The following HECW1 variants were observed in gnomAD, a reference collection of about 807,000 sequenced individuals.
The protein encoded by HECW1 is HECT, C2 and WW domain containing E3 ubiquitin protein ligase 1.
Under a neutral mutation model 182.3 loss-of-function variants are expected in HECW1, and 61 were observed. That is an observed-to-expected ratio of 0.33 (90% confidence interval 0.27 to 0.41). The LOEUF (loss-of-function observed/expected upper bound fraction) is 0.41. Ranked by LOEUF, HECW1 falls within the 10% of genes least tolerant of loss-of-function variation. The probability of loss-of-function intolerance (pLI) is 1.00; values close to 1 mark genes in which losing one functional copy is unlikely to be tolerated. For synonymous variants in HECW1, 859 were observed against 832.6 expected (o/e 1.03, Z -0.55); for missense variants, 1,739 against 2,108.9 (o/e 0.82, Z 3.44).
At chr7:43,157,761 G>A (rs759210361) in intron 2 of HECW1, among the ~76,000 whole-genome samples, 6 of 152,226 alleles carry the variant, frequency 3.9e-5, no homozygotes, top group South Asian at 2.1e-4. Flanking sequence ...GGGTTTCGCC[G>A]CATTGCCCAG....
chr7:43,447,891 C>T (rs1171878075), intron 11 of HECW1, among the ~76,000 whole-genome samples: 9 of 151,918 alleles, frequency 5.9e-5, no homozygotes, highest in East Asian at 1.9e-4. Flanking sequence ...TTTGGGAGGC[C>T]GAGGTGGGTG....
intron 3 of HECW1, among the ~76,000 whole-genome samples, chr7:43,288,910 A>G (rs1805013246): frequency 6.6e-6 from 1 of 151,990 alleles, no homozygotes; most frequent in Non-Finnish European, 1.5e-5. Context: ...CTCTTGCCTT[A>G]TTCTTATATT....
chr7:43,270,178 C>G (rs1802236280), intron 3 of HECW1, among the ~76,000 whole-genome samples: 1 of 152,146 alleles, frequency 6.6e-6, no homozygotes, highest in South Asian at 2.1e-4. Flanking sequence ...CTCAAAACAG[C>G]AATCATTTAA....
intron 2 of HECW1, chr7:43,163,011 A>G (rs1790715234): frequency 6.6e-6 from 1 of 152,118 alleles, no homozygotes; most frequent in Non-Finnish European, 1.5e-5. Context: ...CCTTTGTTAG[A>G]CTCCAAATCC....
rs1454617880 is a variant in HECW1, at chr7:43,202,967, A to AAAC, written c.-31-40906_-31-40904dup. Among the ~76,000 whole-genome samples the AAAC allele has an allele frequency of 5.9e-5, 9 of 152,026 alleles. No homozygotes were observed. The East Asian group carries it at 1.7e-3, about 29-fold the overall frequency. On this transcript the variant is annotated intron_variant, in intron 2 of 29. Coordinates refer to ENST00000395891, the MANE Select transcript of HECW1 (RefSeq NM_015052.5). The stretch of plus-strand genomic sequence containing the variant: ...TTCCACTACCTACCCAAATCCTATA[A>AAAC]AACAGCCCCACCCCTATCTCCCTTC...
chr7:43,171,756 A>C (rs1791715455), intron 2 of HECW1, among the ~76,000 whole-genome samples: 1 of 152,198 alleles, frequency 6.6e-6, no homozygotes, highest in Non-Finnish European at 1.5e-5. Context: ...GGGCATCCTT[A>C]TCCCTTCTCC....
chr7:43,465,024 A>T (rs2077716183), intron 14 of HECW1, among the ~76,000 whole-genome samples: 1 of 151,910 alleles, frequency 6.6e-6, no homozygotes, highest in Non-Finnish European at 1.5e-5. Context: ...CTGGTCTCAA[A>T]TTCCTGGCCT....
At chr7:43,219,654 C>T (rs1202403494) in intron 2 of HECW1, among the ~76,000 whole-genome samples, 2 of 151,234 alleles carry the variant, frequency 1.3e-5, no homozygotes, top group African/African-American at 2.5e-5. Context: ...CAGAACAGAA[C>T]AGAACAGAAC....
intron 16 of HECW1, among the ~76,000 whole-genome samples, chr7:43,479,237 G>T (rs1309386188): frequency 2.0e-5 from 3 of 152,152 alleles, no homozygotes; most frequent in African/African-American, 7.2e-5. Context: ...CCATCTGGGG[G>T]TAACGAGAGA....
chr7:43,507,320 A>G, intron 22 of HECW1, 63 bp downstream of exon 22: 1 of 1,517,558 alleles, frequency 6.6e-7, no homozygotes, highest in East Asian at 2.3e-5. Flanking sequence ...TTTCTCCCCT[A>G]CACCCTTGTA....
At chr7:43,468,083 C>G (rs954209782) in intron 15 of HECW1, among the ~76,000 whole-genome samples, 1 of 151,956 alleles carries the variant, frequency 6.6e-6, no homozygotes, top group Non-Finnish European at 1.5e-5. Context: ...TCTGTCCTTT[C>G]ACCACCAGCC....
intron 2 of HECW1, among the ~76,000 whole-genome samples, chr7:43,159,125 ATTTAT>A (rs1562611370): frequency 2.1e-5 from 3 of 145,520 alleles, no homozygotes; most frequent in African/African-American, 7.4e-5. Flanking sequence ...TTATTTATTT[ATTTAT>A]TTATTTTAAA....
intron 2 of HECW1, among the ~76,000 whole-genome samples, chr7:43,158,828 A>G (rs1033980443): frequency 6.6e-6 from 1 of 152,134 alleles, no homozygotes; most frequent in Non-Finnish European, 1.5e-5. Flanking sequence ...ACTTTAAAAA[A>G]CCAATTCAAG....
intron 5 of HECW1, among the ~76,000 whole-genome samples, chr7:43,350,956 A>T (rs1814355246): frequency 6.6e-6 from 1 of 152,172 alleles, no homozygotes; most frequent in African/African-American, 2.4e-5. Flanking sequence ...TTATCATATT[A>T]CCAGGGTTGG....
chr7:43,330,467 A>G (rs889147586), intron 5 of HECW1, among the ~76,000 whole-genome samples: 2 of 152,218 alleles, frequency 1.3e-5, no homozygotes, highest in Non-Finnish European at 1.5e-5. Context: ...TTGAGAGATA[A>G]TAAGAGGGTG....
chr7:43,545,687 T>C (rs1415342909), intron 26 of HECW1, among the ~76,000 whole-genome samples: 2 of 152,182 alleles, frequency 1.3e-5, no homozygotes, highest in South Asian at 4.2e-4. Context: ...AAGAGAACCT[T>C]ATTAAGAACA....
chr7:43,418,909 A>G (rs913194174), intron 8 of HECW1, among the ~76,000 whole-genome samples: 68 of 152,116 alleles, frequency 4.5e-4, no homozygotes, highest in Admixed American at 9.8e-4. Context: ...ATTTTGCTCC[A>G]GGGGGTATTG....
chr7:43,525,229 G>C (rs931583477), intron 24 of HECW1, among the ~76,000 whole-genome samples: 8 of 152,238 alleles, frequency 5.3e-5, no homozygotes, highest in South Asian at 2.1e-4. Flanking sequence ...TTTTAGGCTT[G>C]ACTCTAAGTA....
At chr7:43,484,488 A>T (rs2078554310) in intron 17 of HECW1, 1 of 152,202 alleles carries the variant, frequency 6.6e-6, no homozygotes, top group South Asian at 2.1e-4. Flanking sequence ...GATATTTCTT[A>T]GACTACAACT....
Sources: gnomAD v4.1 joint callset for allele counts (sites outside exome capture counted in the v4.1 genomes callset) on GRCh38, gnomAD v4.1.1 for gene constraint, MANE v1.5 for transcripts, NCBI Gene and HGNC (gene_info 2026-07-23, HGNC 2026-07-21) for gene names.